Variants in CACNB2 observed in about 807,000 individuals in gnomAD.
CACNB2 encodes calcium voltage-gated channel auxiliary subunit beta 2.
Under a neutral mutation model 73.3 loss-of-function variants are expected in CACNB2, and 42 were observed. That is an observed-to-expected ratio of 0.57 (90% CI 0.45 to 0.74). The LOEUF (loss-of-function observed/expected upper bound fraction) is 0.74. CACNB2 is among the 30% of genes least tolerant of loss of function. CACNB2 has a pLI of 0.00. For missense variants in CACNB2, 940 were observed against 853.0 expected (o/e 1.10, Z -1.27); for synonymous variants, 348 against 310.3 (o/e 1.12, Z -1.28).
intron 9 of CACNB2, chr10:18,520,134 T>C (rs2051705930): frequency 5.2e-6 from 1 of 191,276 alleles, no homozygotes; most frequent in Admixed American, 5.9e-5. Flanking sequence ...TGCCAGTCTT[T>C]CCTCTAAATT....
At chr10:18,537,542 C>T (rs957624851) in intron 12 of CACNB2, among the ~76,000 whole-genome samples, 11 of 151,786 alleles carry the variant, frequency 7.2e-5, no homozygotes, top group African/African-American at 1.9e-4. Flanking sequence ...TTTGGGAGGC[C>T]GAGGCGGGTG....
chr10:18,191,621 C>T (rs1481211203), intron 2 of CACNB2, among the ~76,000 whole-genome samples: 2 of 152,178 alleles, frequency 1.3e-5, no homozygotes, highest in Non-Finnish European at 2.9e-5. Flanking sequence ...CCCCAAAGTC[C>T]ACTGTAGCAT....
chr10:18,360,247 CAG>C (rs1195360426), intron 2 of CACNB2, among the ~76,000 whole-genome samples: 5 of 152,254 alleles, frequency 3.3e-5, no homozygotes, highest in Admixed American at 3.3e-4. Flanking sequence ...TTTTAAGAGA[CAG>C]AGTCTCACTC....
At chr10:18,498,795 G>A (rs1311389062) in intron 4 of CACNB2, 1 of 320,654 alleles carries the variant, frequency 3.1e-6, no homozygotes, top group African/African-American at 2.2e-5. Context: ...TTGACTAGGT[G>A]TAGTTTTTCC....
chr10:18,294,350 T>C (rs1452267120), intron 2 of CACNB2, among the ~76,000 whole-genome samples: 1 of 152,204 alleles, frequency 6.6e-6, no homozygotes, highest in African/African-American at 2.4e-5. Context: ...CTCTGAGATG[T>C]GCTGAGGCTT....
intron 2 of CACNB2, among the ~76,000 whole-genome samples, chr10:18,336,937 A>T (rs1256071102): frequency 6.6e-6 from 1 of 152,162 alleles, no homozygotes; most frequent in Admixed American, 6.5e-5. Context: ...TAAATTTTTT[A>T]AAAGGAAAGA....
At chr10:18,269,868 G>A (rs1435287425) in intron 2 of CACNB2, among the ~76,000 whole-genome samples, 5 of 152,080 alleles carry the variant, frequency 3.3e-5, no homozygotes, top group Non-Finnish European at 7.3e-5. Context: ...ACATGGTCCT[G>A]TCCCTCTTCT....
chr10:18,421,858 C>A (rs1282018956), intron 3 of CACNB2, among the ~76,000 whole-genome samples: 1 of 152,118 alleles, frequency 6.6e-6, no homozygotes, highest in African/African-American at 2.4e-5. Flanking sequence ...AACTATGGAA[C>A]GTTGGGGTGT....
At chr10:18,536,459 G>T (rs1159136591) in intron 12 of CACNB2, among the ~76,000 whole-genome samples, 1 of 151,308 alleles carries the variant, frequency 6.6e-6, no homozygotes, top group Non-Finnish European at 1.5e-5. Context: ...ACGGGGTCTT[G>T]CTATGTTGCC....
At chr10:18,344,201 C>T (rs1406143612) in intron 2 of CACNB2, among the ~76,000 whole-genome samples, 1 of 151,902 alleles carries the variant, frequency 6.6e-6, no homozygotes, top group Non-Finnish European at 1.5e-5. Context: ...GTATAATGTC[C>T]ATAAGGCCTG....
intron 6 of CACNB2, among the ~76,000 whole-genome samples, chr10:18,506,866 C>G (rs930173611): frequency 4.6e-5 from 7 of 152,148 alleles, no homozygotes; most frequent in African/African-American, 7.2e-5. Context: ...GTGGCATGAT[C>G]GCAGCTCACT....
chr10:18,325,989 G>A (rs565254222), intron 2 of CACNB2, among the ~76,000 whole-genome samples: 140 of 152,054 alleles, frequency 9.2e-4, no homozygotes, highest in Non-Finnish European at 1.5e-3. Context: ...AAACTCCTGG[G>A]CTCCCAAAGC....
chr10:18,453,693 G>T (rs913741986), intron 3 of CACNB2, among the ~76,000 whole-genome samples: 3 of 152,188 alleles, frequency 2.0e-5, no homozygotes, highest in Non-Finnish European at 2.9e-5. Flanking sequence ...GCAGTGGCGC[G>T]ATCTCGGCTG....
intron 2 of CACNB2, among the ~76,000 whole-genome samples, chr10:18,173,657 T>C (rs1000657504): frequency 6.6e-6 from 1 of 152,212 alleles, no homozygotes; most frequent in Admixed American, 6.5e-5. Flanking sequence ...ATTAGCATTA[T>C]ATAATGAATC....
chr10:18,364,300 AT>A (rs10611857), intron 2 of CACNB2, among the ~76,000 whole-genome samples: 38,058 of 145,096 alleles, frequency 0.26, 4,950 homozygotes, highest in Admixed American at 0.29. Context: ...TTTTTAACTA[AT>A]TTTTTTTTTT....
At chr10:18,150,780 T>C (rs1367755560) in intron 1 of CACNB2, 103 bp from the exon 2 acceptor site, 1 of 693,122 alleles carries the variant, frequency 1.4e-6, no homozygotes, top group Non-Finnish European at 2.4e-6. Context: ...AATGTATTAC[T>C]TGTTTTTGGT....
At chr10:18,201,816 A>G (rs2034895051) in intron 2 of CACNB2, among the ~76,000 whole-genome samples, 1 of 152,126 alleles carries the variant, frequency 6.6e-6, no homozygotes, top group Non-Finnish European at 1.5e-5. Flanking sequence ...TATTCCTCTC[A>G]TCTAGCTGTA....
rs1554840820 is a variant in CACNB2 at position 18,534,124 on chromosome 10, T to C, written c.1103T>C (p.Leu368Ser). 1 of 1,614,044 alleles carries C rather than the reference T, an allele frequency of 6.2e-7. No individual in the cohort carries two copies. The highest frequency in any genetic ancestry group is 1.3e-5 in the African/African-American group (1 of 75,044). Reference protein sequence around the residue: ...IERIFELARTLQLVVLDADTI... With the variant: ...IERIFELARTSQLVVLDADTI... ...AGGATTTTTGAACTTGCAAGAACATTGCAGTTGGTGGTCCTTGACGCGGAT... is the reference window on the plus strand; with the variant it reads ...AGGATTTTTGAACTTGCAAGAACATCGCAGTTGGTGGTCCTTGACGCGGAT... The change falls in exon 11 of 14, where the codon TTG (leucine) becomes TCG (serine). Residue 368 changes from leucine to serine, a missense_variant. Coordinates refer to ENST00000324631, the MANE Select transcript of CACNB2 (RefSeq NM_201596.3).
chr10:18,379,704 G>A (rs1286373500), intron 2 of CACNB2, among the ~76,000 whole-genome samples: 3 of 152,068 alleles, frequency 2.0e-5, no homozygotes, highest in African/African-American at 7.2e-5. Flanking sequence ...TCTGGACAAG[G>A]GGACAGGGTT....
Sources: gnomAD v4.1 joint callset for allele counts (sites outside exome capture counted in the v4.1 genomes callset) on GRCh38, gnomAD v4.1.1 for gene constraint, MANE v1.5 for transcripts, NCBI Gene and HGNC (gene_info 2026-07-23, HGNC 2026-07-21) for gene names.